FMN1: variants seen among roughly 807,000 people sequenced by gnomAD.
The protein encoded by FMN1 is formin 1.
Under a neutral mutation model 132.4 loss-of-function variants are expected in FMN1, and 110 were observed. The observed-to-expected ratio is 0.83, with a 90% CI of 0.71 to 0.97. FMN1 has a LOEUF of 0.97. Ranked by LOEUF, FMN1 falls within the 50% of genes least tolerant of loss-of-function variation. The probability of loss-of-function intolerance (pLI) is 0.00; values close to 1 mark genes in which losing one functional copy is unlikely to be tolerated. For missense variants in FMN1, 1,792 were observed against 1,705.3 expected, an observed-to-expected ratio of 1.05 and a Z score of -0.90; for synonymous variants, 722 against 651.7, an observed-to-expected ratio of 1.11 and a Z score of -1.64.
At chr15:33,062,746 A>G (rs542473957) in intron 6 of FMN1, 5 of 152,234 alleles carry the variant, frequency 3.3e-5, no homozygotes, top group African/African-American at 1.2e-4. Flanking sequence ...TCTCTGAAAT[A>G]GAATCATAGA....
chr15:32,953,801 C>T (rs1395535286), intron 9 of FMN1, among the ~76,000 whole-genome samples: 1 of 152,212 alleles, frequency 6.6e-6, no homozygotes, highest in Non-Finnish European at 1.5e-5. Context: ...GTAAGGACAA[C>T]TGCAAAGAGA....
intron 17 of FMN1, among the ~76,000 whole-genome samples, chr15:32,829,467 T>C (rs925702771): frequency 1.3e-5 from 2 of 152,174 alleles, no homozygotes; most frequent in Non-Finnish European, 2.9e-5. Flanking sequence ...GAAAATTTCC[T>C]CCAACTTACA....
intron 6 of FMN1, among the ~76,000 whole-genome samples, chr15:33,033,463 C>T (rs1327460396): frequency 1.3e-5 from 2 of 152,184 alleles, no homozygotes; most frequent in African/African-American, 4.8e-5. Context: ...TCCTATCAAA[C>T]CCAACCCCTT....
intron 6 of FMN1, among the ~76,000 whole-genome samples, chr15:33,040,578 T>G (rs2036386486): frequency 6.6e-6 from 1 of 152,230 alleles, no homozygotes; most frequent in Non-Finnish European, 1.5e-5. Flanking sequence ...AATAATATGC[T>G]AGGTATTACT....
chr15:32,987,302 T>C (rs1287023247), intron 7 of FMN1, among the ~76,000 whole-genome samples: 2 of 152,184 alleles, frequency 1.3e-5, no homozygotes, highest in African/African-American at 2.4e-5. Flanking sequence ...AATGTATTTG[T>C]CAGTTACAAG....
At chr15:33,124,804 ATCAAT>A (rs1238932687) in intron 4 of FMN1, among the ~76,000 whole-genome samples, 6 of 151,154 alleles carry the variant, frequency 4.0e-5, no homozygotes, top group East Asian at 2.0e-4. Context: ...TTTGCATGGG[ATCAAT>A]TCAATACTAG....
intron 6 of FMN1, among the ~76,000 whole-genome samples, chr15:33,037,935 A>G (rs879184630): frequency 1.3e-5 from 2 of 152,258 alleles, no homozygotes; most frequent in South Asian, 4.1e-4. Flanking sequence ...CTTAAAATAA[A>G]ACTATTATGG....
intron 6 of FMN1, among the ~76,000 whole-genome samples, chr15:33,015,776 A>C (rs1287627392): frequency 6.6e-6 from 1 of 152,202 alleles, no homozygotes; most frequent in African/African-American, 2.4e-5. Context: ...CTTAGCACAC[A>C]CACCGGCAAG....
chr15:33,016,144 A>C (rs1480476783), intron 6 of FMN1, among the ~76,000 whole-genome samples: 1 of 152,230 alleles, frequency 6.6e-6, no homozygotes, highest in African/African-American at 2.4e-5. Context: ...AATAGTAAAA[A>C]TAGTATAAAT....
At chr15:33,169,738 T>G (rs958538142) in intron 3 of FMN1, among the ~76,000 whole-genome samples, 3 of 143,784 alleles carry the variant, frequency 2.1e-5, no homozygotes, top group Non-Finnish European at 3.0e-5. Context: ...TTTTTTCTTT[T>G]CCTTTTTTTT....
At chr15:33,089,060 ACTTCTCT>A in intron 4 of FMN1, 86 bp from the exon 5 acceptor site, 1 of 1,090,104 alleles carries the variant, frequency 9.2e-7, no homozygotes, top group South Asian at 1.7e-5. Flanking sequence ...TCCTACATAG[ACTTCTCT>A]ATGCTAGCTC....
intron 4 of FMN1, among the ~76,000 whole-genome samples, chr15:33,128,785 G>A (rs577587039): frequency 3.3e-5 from 5 of 152,330 alleles, no homozygotes; most frequent in East Asian, 3.9e-4. Context: ...CCCAAACGGT[G>A]AGCAGCAGCA....
At chr15:33,079,904 A>G (rs927182959) in intron 5 of FMN1, among the ~76,000 whole-genome samples, 2 of 152,172 alleles carry the variant, frequency 1.3e-5, no homozygotes, top group African/African-American at 4.8e-5. Context: ...TTCCAAATTG[A>G]TCAGTTCATC....
chr15:33,067,087 AG>A, intron 5 of FMN1: 1 of 1,613,962 alleles, frequency 6.2e-7, no homozygotes, highest in East Asian at 2.2e-5. Context: ...ACTTCTCTCC[AG>A]AGACTTCTTT....
intron 17 of FMN1, among the ~76,000 whole-genome samples, chr15:32,842,787 C>CAT (rs1555470144): frequency 7.1e-6 from 1 of 139,944 alleles, no homozygotes; most frequent in Admixed American, 7.2e-5. Context: ...GGAACCTCAG[C>CAT]TTTTTTTTTT....
intron 7 of FMN1, among the ~76,000 whole-genome samples, chr15:32,996,480 T>C (rs1253340602): frequency 6.6e-6 from 1 of 152,126 alleles, no homozygotes; most frequent in Non-Finnish European, 1.5e-5. Context: ...CAATCCAGAA[T>C]CAAAGTCACA....
rs148975549 is a variant in FMN1, at chr15:32,914,311, T to C, written c.3227-3776A>G. ...AATTAAGCTAAATTCATCCATGCAA[T>C]GACAATTTGTAAGTATGCAATACGT... is the stretch of plus-strand genomic sequence containing the variant. On this transcript the variant is annotated intron_variant, in intron 10 of 20. Coordinates refer to ENST00000616417, the MANE Select transcript of FMN1 (RefSeq NM_001277313.2). 2.8e-3 allele frequency among the ~76,000 whole-genome samples: 419 copies of C among 152,282 alleles called. 5 individuals carry two copies. The highest frequency in any genetic ancestry group is 9.8e-3 in the African/African-American group (406 of 41,570).
chr15:33,180,821 C>G (rs925079338), intron 2 of FMN1, among the ~76,000 whole-genome samples: 1 of 148,038 alleles, frequency 6.8e-6, no homozygotes, highest in African/African-American at 2.5e-5. Flanking sequence ...ATGATCACGG[C>G]TCACTGCAAC....
chr15:33,173,614 A>G (rs1415710915), intron 3 of FMN1, among the ~76,000 whole-genome samples: 1 of 152,242 alleles, frequency 6.6e-6, no homozygotes, highest in African/African-American at 2.4e-5. Context: ...TGATTGGTCC[A>G]ATTGGTGAGC....
Sources: allele counts gnomAD v4.1 joint callset (sites outside exome capture counted in the v4.1 genomes callset), GRCh38; gene constraint gnomAD v4.1.1; transcripts MANE v1.5; gene names NCBI Gene and HGNC (gene_info 2026-07-23, HGNC 2026-07-21).